RAP1GAP2: variants seen among roughly 807,000 people sequenced by gnomAD.
RAP1GAP2 encodes the protein RAP1 GTPase activating protein 2, also known as rap1 GTPase-activating protein 2.
In RAP1GAP2, 27 loss-of-function variants were observed where a neutral mutation model predicts 95.0. The ratio of observed to expected loss-of-function variants is 0.28; its 90% CI spans 0.21 to 0.39. The LOEUF (loss-of-function observed/expected upper bound fraction) is 0.39, where lower values mean the gene tolerates loss of function less well. Ranked by LOEUF, RAP1GAP2 falls within the 10% of genes least tolerant of loss-of-function variation. The pLI, the probability that RAP1GAP2 is intolerant of heterozygous loss-of-function variation, is 1.00. For missense variants in RAP1GAP2, 771 were observed against 970.0 expected, an observed-to-expected ratio of 0.79 and a Z score of 2.72; for synonymous variants, 373 against 380.9, an observed-to-expected ratio of 0.98 and a Z score of 0.24.
In RAP1GAP2 at chr17:2,800,508, T is replaced by C; in HGVS notation, c.45-7T>C. On this transcript the variant is annotated splice_polypyrimidine_tract_variant and splice_region_variant and intron_variant, in intron 1 of 24. Transcript: ENST00000254695. ...ACTGACCGGAGCCCTTGCTTTTCTC[T>C]TGGCAGGATCGACAAGACCATGCTG... is the stretch of plus-strand genomic sequence containing the variant. 1 of 1,612,326 alleles carries C rather than the reference T, an allele frequency of 6.2e-7. No individual in the cohort carries two copies. The highest frequency in any genetic ancestry group is 1.1e-5 in the South Asian group (1 of 90,610).
intron 2 of RAP1GAP2, among the ~76,000 whole-genome samples, chr17:2,894,648 C>T (rs184438085): frequency 1.3e-5 from 2 of 152,282 alleles, no homozygotes; most frequent in African/African-American, 2.4e-5. Context: ...CGCAAAGCGA[C>T]TCTCCTCCTC....
intron 17 of RAP1GAP2, among the ~76,000 whole-genome samples, chr17:3,013,431 T>A (rs12935853): frequency 2.0e-5 from 3 of 151,940 alleles, no homozygotes; most frequent in Admixed American, 2.0e-4. Context: ...GTCGGAGTCA[T>A]GGTCTCTTGG....
intron 2 of RAP1GAP2, among the ~76,000 whole-genome samples, chr17:2,863,831 C>T (rs1471524601): frequency 6.6e-6 from 1 of 152,022 alleles, no homozygotes; most frequent in Non-Finnish European, 1.5e-5. Context: ...CCAAGGCAGG[C>T]GGATCACCTG....
upstream of RAP1GAP2, among the ~76,000 whole-genome samples, chr17:2,776,158 G>T (rs1306571075): frequency 6.7e-6 from 1 of 148,850 alleles, no homozygotes. Context: ...CAGCCTGGGG[G>T]ACAGAGCAAG....
At chr17:2,926,852 A>G (rs1280842480) in intron 3 of RAP1GAP2, among the ~76,000 whole-genome samples, 2 of 151,702 alleles carry the variant, frequency 1.3e-5, no homozygotes, top group African/African-American at 4.8e-5. Flanking sequence ...TAAAAATACA[A>G]AAAATACTAC....
Position 3,027,151 on chromosome 17 carries a change from C to A in RAP1GAP2, c.2107+81C>A. The A allele has an allele frequency of 6.8e-7, 1 of 1,465,842 alleles. No individual in the cohort carries two copies. Among genetic ancestry groups the A allele is most frequent in the Non-Finnish European group, 9.1e-7 (1 of 1,097,092 alleles). 90.8% of individuals were successfully genotyped at this position (1,465,842 alleles called of 1,614,324 possible). A position where few individuals can be genotyped will look rare whatever the true frequency, so the allele number is the denominator to read the frequency against. On this transcript the variant is annotated intron_variant, in intron 22 of 24. Coordinates refer to ENST00000254695, the MANE Select transcript of RAP1GAP2 (RefSeq NM_015085.5). This position sits in a 1 kb window ranked among gnomAD's most constrained non-coding sequence, Gnocchi z 5.2. ...TCCACTGTTAGCAGGGCCCCAGCCA[C>A]GCTGAACTGGCCAGTTTTCACCCCT...
chr17:2,853,264 G>A (rs998554923), intron 2 of RAP1GAP2, among the ~76,000 whole-genome samples: 1 of 151,642 alleles, frequency 6.6e-6, no homozygotes, highest in African/African-American at 2.4e-5. Flanking sequence ...GGCGGGCGCC[G>A]GGCTCAGGTG....
At chr17:2,765,699 C>T (rs972439647) in intron 1 of RAP1GAP2, among the ~76,000 whole-genome samples, 2 of 151,214 alleles carry the variant, frequency 1.3e-5, no homozygotes, top group Admixed American at 6.6e-5. Context: ...GCTGAGATCG[C>T]GCCACTGCAC....
chr17:2,785,825 C>G (rs931370610), intron 1 of RAP1GAP2, among the ~76,000 whole-genome samples: 2 of 151,904 alleles, frequency 1.3e-5, no homozygotes, highest in African/African-American at 4.8e-5. Flanking sequence ...GTCTCTTAAC[C>G]TCTCTGAGGC....
intron 2 of RAP1GAP2, among the ~76,000 whole-genome samples, chr17:2,837,807 C>T (rs1006931009): frequency 5.9e-5 from 9 of 151,320 alleles, no homozygotes; most frequent in Admixed American, 1.3e-4. Flanking sequence ...GGGGTTTCGC[C>T]GTGTTAGCCA....
At chr17:3,022,217 G>A (rs886192755) in intron 19 of RAP1GAP2, among the ~76,000 whole-genome samples, 29 of 152,168 alleles carry the variant, frequency 1.9e-4, no homozygotes, top group Non-Finnish European at 3.2e-4. Context: ...TGTGGTTCCC[G>A]TGGTGGGGGC....
chr17:3,025,916 A>G (rs2047095990), intron 19 of RAP1GAP2, 92 bp from the exon 20 acceptor site: 3 of 933,258 alleles, frequency 3.2e-6, no homozygotes, highest in South Asian at 3.0e-5. Flanking sequence ...ACTGCCCCTC[A>G]CCGTGCCGAG....
chr17:2,901,464 G>C (rs536906952), intron 2 of RAP1GAP2, among the ~76,000 whole-genome samples: 2 of 152,058 alleles, frequency 1.3e-5, no homozygotes, highest in Admixed American at 6.6e-5. Flanking sequence ...GGGGCCCCGC[G>C]TCGTTAGAGT....
intron 19 of RAP1GAP2, among the ~76,000 whole-genome samples, chr17:3,023,686 G>A (rs968257997): frequency 6.6e-6 from 1 of 152,110 alleles, no homozygotes; most frequent in African/African-American, 2.4e-5. Context: ...AGTGCAGAAT[G>A]TGCAGGTTTG....
chr17:2,924,332 G>T (rs2042885829), intron 3 of RAP1GAP2, among the ~76,000 whole-genome samples: 1 of 152,162 alleles, frequency 6.6e-6, no homozygotes, highest in African/African-American at 2.4e-5. Context: ...TGGGAATCAA[G>T]CAGAGCCCAT....
rs4480844 is a variant in RAP1GAP2, at chr17:3,035,776, G to A, written c.*2415G>A. On this transcript the variant is annotated 3_prime_UTR_variant, in exon 25 of 25. Coordinates refer to ENST00000254695, the MANE Select transcript of RAP1GAP2 (RefSeq NM_015085.5). This position sits in a 1 kb window ranked among gnomAD's most constrained non-coding sequence, Gnocchi z 4.3. Reference sequence around the variant, plus strand: ...CCCTCCCTCCCCTAGACCACGGGGCGGGCAGCTCGGGTTCCTGGAGGGCTG... The same window carrying A: ...CCCTCCCTCCCCTAGACCACGGGGCAGGCAGCTCGGGTTCCTGGAGGGCTG... The A allele has an allele frequency of 0.32, 48,348 of 152,144 alleles. 8,387 individuals are homozygous for A. Among genetic ancestry groups the A allele is most frequent in the African/African-American group, 0.47 (19,458 of 41,446 alleles). The allele number at this position is 152,144 out of a possible 1,614,324, so 9.4% of individuals were successfully genotyped here.
At chr17:2,928,992 G>A (rs1339250814) in intron 3 of RAP1GAP2, among the ~76,000 whole-genome samples, 1 of 152,152 alleles carries the variant, frequency 6.6e-6, no homozygotes, top group Admixed American at 6.5e-5. Context: ...CCAGCACTTT[G>A]GGAAGCCGAG....
At chr17:2,854,847 C>G (rs1481930475) in intron 2 of RAP1GAP2, among the ~76,000 whole-genome samples, 1 of 152,168 alleles carries the variant, frequency 6.6e-6, no homozygotes. Flanking sequence ...CCTCCCTGTT[C>G]TGCTAGGGTG....
rs543015547 is a variant in RAP1GAP2, at chr17:3,001,995, C to T, written c.1201-3374C>T. Among the ~76,000 whole-genome samples, 617 of 146,834 alleles carry T rather than the reference C, an allele frequency of 4.2e-3. 2 individuals are homozygous for T. Among genetic ancestry groups the T allele is most frequent in the South Asian group, 0.012 (55 of 4,664 alleles). On this transcript the variant is annotated intron_variant, in intron 14 of 24. Transcript: ENST00000254695. ...TTTTTTTTTTTTTTTGAGACAGTCT[C>T]GCTGTCACCCAGGCTAGAGTGCAGT...
Sources: gnomAD v4.1 joint callset for allele counts (sites outside exome capture counted in the v4.1 genomes callset) on GRCh38, gnomAD v4.1.1 for gene constraint, Gnocchi (gnomAD v3.1) non-coding constraint, MANE v1.5 for transcripts, NCBI Gene and HGNC (gene_info 2026-07-23, HGNC 2026-07-21) for gene names.